Variants in KCNH5 observed in about 807,000 individuals in gnomAD.
The protein encoded by KCNH5 is potassium voltage-gated channel subfamily H member 5, also known as voltage-gated delayed rectifier potassium channel KCNH5.
In KCNH5, 46 loss-of-function variants were observed where a neutral mutation model predicts 96.1. That is an observed-to-expected ratio of 0.48 (90% confidence interval 0.38 to 0.61). The LOEUF (loss-of-function observed/expected upper bound fraction) is 0.61, where lower values mean the gene tolerates loss of function less well. Among genes scored for constraint, KCNH5 ranks in the 20% least tolerant of loss-of-function variants. The probability of loss-of-function intolerance (pLI) is 0.00; values close to 1 mark genes in which losing one functional copy is unlikely to be tolerated. For synonymous variants in KCNH5, 439 were observed against 449.8 expected (o/e 0.98, Z 0.30); for missense variants, 907 against 1,225.8 (o/e 0.74, Z 3.88).
intron 7 of KCNH5, among the ~76,000 whole-genome samples, chr14:62,900,175 G>T (rs1888897042): frequency 6.6e-6 from 1 of 152,144 alleles, no homozygotes; most frequent in Admixed American, 6.6e-5. Context: ...TAAACTACCA[G>T]CAACAAAACT....
At position 62,811,204 on chromosome 14, in the gene KCNH5, T is replaced by A. The variant is rs143554434; in HGVS notation, c.1570-8623A>T. Among the ~76,000 whole-genome samples the A allele has an allele frequency of 6.5e-3, 984 of 152,268 alleles. 3 individuals are homozygous for A. The highest frequency in any genetic ancestry group is 0.011 in the Non-Finnish European group (759 of 68,000). The stretch of plus-strand genomic sequence containing the variant: ...AAGCTCCAAAGATGTAACCTCCACA[T>A]TTTGACTACAGAACTCTTAGTGAAA... On this transcript the variant is annotated intron_variant, in intron 8 of 10. Transcript: ENST00000322893.
intron 10 of KCNH5, among the ~76,000 whole-genome samples, chr14:62,755,499 C>T (rs1885602366): frequency 6.6e-6 from 1 of 152,150 alleles, no homozygotes; most frequent in Admixed American, 6.5e-5. Flanking sequence ...TTTTATTAAA[C>T]ATTTAAAGAA....
At chr14:62,789,112 T>G (rs1886378662) in intron 9 of KCNH5, among the ~76,000 whole-genome samples, 1 of 151,976 alleles carries the variant, frequency 6.6e-6, no homozygotes, top group Admixed American at 6.6e-5. Context: ...TCCCCACCAC[T>G]GTTTTATTCT....
chr14:62,726,550 A>G (rs1884929161), intron 10 of KCNH5, among the ~76,000 whole-genome samples: 1 of 152,166 alleles, frequency 6.6e-6, no homozygotes, highest in Non-Finnish European at 1.5e-5. Context: ...TTAGGCATCA[A>G]AAGAGTACAA....
At chr14:62,951,480 C>G (rs1210472214) in intron 6 of KCNH5, among the ~76,000 whole-genome samples, 1 of 152,156 alleles carries the variant, frequency 6.6e-6, no homozygotes, top group Non-Finnish European at 1.5e-5. Flanking sequence ...GCAGTCATTA[C>G]CTGCAAATCC....
intron 7 of KCNH5, among the ~76,000 whole-genome samples, chr14:62,932,819 A>G (rs960118704): frequency 1.3e-5 from 2 of 152,186 alleles, no homozygotes; most frequent in South Asian, 4.1e-4. Context: ...GTTCAAAGAC[A>G]AAAGAACAGT....
intron 1 of KCNH5, 33 bp from the exon 2 acceptor site, chr14:63,016,987 T>A: frequency 6.3e-7 from 1 of 1,590,478 alleles, no homozygotes; most frequent in Non-Finnish European, 8.5e-7. Flanking sequence ...GGAGGTTATT[T>A]AGCTTAATTC....
chr14:62,873,722 A>AT (rs2140068848), intron 7 of KCNH5, among the ~76,000 whole-genome samples: 1 of 152,208 alleles, frequency 6.6e-6, no homozygotes, highest in South Asian at 2.1e-4. Context: ...CCTCCTCAAT[A>AT]TTTTTCCCCG....
intron 8 of KCNH5, among the ~76,000 whole-genome samples, chr14:62,842,647 G>A (rs1372451474): frequency 6.6e-6 from 1 of 152,132 alleles, no homozygotes; most frequent in Non-Finnish European, 1.5e-5. Context: ...GTAACTCAAA[G>A]ACCACAGGGA....
chr14:62,917,510 G>A (rs1889298940), intron 7 of KCNH5, among the ~76,000 whole-genome samples: 1 of 152,128 alleles, frequency 6.6e-6, no homozygotes, highest in African/African-American at 2.4e-5. Flanking sequence ...AAAGTGTCCT[G>A]TGAATGAGAA....
At chr14:62,717,723 C>T (rs1884714898) in intron 10 of KCNH5, among the ~76,000 whole-genome samples, 2 of 152,112 alleles carry the variant, frequency 1.3e-5, no homozygotes, top group Admixed American at 6.5e-5. Flanking sequence ...TTTAGTGACC[C>T]TGAATTAGAC....
At chr14:62,755,658 A>C (rs1236064867) in intron 10 of KCNH5, among the ~76,000 whole-genome samples, 1 of 152,222 alleles carries the variant, frequency 6.6e-6, no homozygotes, top group African/African-American at 2.4e-5. Context: ...GAAGCAAGCG[A>C]GCAAACTACA....
At chr14:62,763,111 A>C (rs1450216593) in intron 10 of KCNH5, among the ~76,000 whole-genome samples, 1 of 152,162 alleles carries the variant, frequency 6.6e-6, no homozygotes, top group East Asian at 1.9e-4. Flanking sequence ...TCTGCACATA[A>C]CACATACTCT....
At chr14:62,721,214 A>G (rs1027459396) in intron 10 of KCNH5, among the ~76,000 whole-genome samples, 9 of 152,030 alleles carry the variant, frequency 5.9e-5, no homozygotes, top group African/African-American at 1.9e-4. Context: ...AATTTGTCCT[A>G]TTTTAGGACT....
chr14:62,849,615 T>C (rs1299027428), intron 8 of KCNH5, 38 bp downstream of exon 8: 1 of 1,556,412 alleles, frequency 6.4e-7, no homozygotes, highest in Non-Finnish European at 8.8e-7. Flanking sequence ...AAGATCCTAC[T>C]AAAATAGAAA....
At chr14:62,977,392 T>C (rs1890522547) in intron 6 of KCNH5, among the ~76,000 whole-genome samples, 1 of 151,680 alleles carries the variant, frequency 6.6e-6, no homozygotes. Context: ...AATAATAATA[T>C]CAACACTTAA....
At chr14:62,815,712 A>G (rs1886964547) in intron 8 of KCNH5, among the ~76,000 whole-genome samples, 1 of 152,052 alleles carries the variant, frequency 6.6e-6, no homozygotes, top group Admixed American at 6.6e-5. Context: ...TAAAGAGAAA[A>G]AATAAATACA....
chr14:63,008,659 C>A (rs1891171048), intron 2 of KCNH5, among the ~76,000 whole-genome samples: 1 of 151,572 alleles, frequency 6.6e-6, no homozygotes. Flanking sequence ...GTAAAAGGAT[C>A]TCAGAATAAA....
rs538715642 is a variant in KCNH5, at chr14:62,817,148, C to T, written c.1570-14567G>A. On this transcript the variant is annotated intron_variant, in intron 8 of 10. Transcript: ENST00000322893. The stretch of plus-strand genomic sequence containing the variant: ...TATTATAATATATAATATATATATA[C>T]ACACATATACATAATATATAATATA... Among the ~76,000 whole-genome samples the T allele has an allele frequency of 7.1e-4, 94 of 131,820 alleles. No homozygotes were observed. In the South Asian group the frequency reaches 0.018, roughly 25 times the overall value. The allele number at this position is 131,820 out of a possible 152,430, so 86.5% of individuals were successfully genotyped here.
Sources: allele counts gnomAD v4.1 joint callset (sites outside exome capture counted in the v4.1 genomes callset), GRCh38; gene constraint gnomAD v4.1.1; transcripts MANE v1.5; gene names NCBI Gene and HGNC (gene_info 2026-07-23, HGNC 2026-07-21).